TAOK2: variants seen among roughly 807,000 people sequenced by gnomAD.
TAOK2 encodes the protein serine/threonine-protein kinase TAO2.
A neutral mutation model predicts 122.5 loss-of-function variants in TAOK2; 42 were observed. The ratio of observed to expected loss-of-function variants is 0.34; its 90% CI spans 0.27 to 0.44. The LOEUF (loss-of-function observed/expected upper bound fraction) is 0.44, where lower values mean the gene tolerates loss of function less well. Among genes scored for constraint, TAOK2 ranks in the 20% least tolerant of loss-of-function variants. The probability of loss-of-function intolerance (pLI) is 1.00; values close to 1 mark genes in which losing one functional copy is unlikely to be tolerated. For missense variants in TAOK2, 1,264 were observed against 1,644.9 expected, an observed-to-expected ratio of 0.77 and a Z score of 4.01; for synonymous variants, 704 against 677.6, an observed-to-expected ratio of 1.04 and a Z score of -0.61.
downstream of TAOK2, chr16:29,989,321 T>C (rs886375109): frequency 1.0e-5 from 10 of 985,200 alleles, no homozygotes; most frequent in African/African-American, 1.6e-4. Context: ...GAACCTCTTG[T>C]CTTCTCTGCA....
chr16:29,982,032 T>G, intron 10 of TAOK2, 92 bp downstream of exon 10: 1 of 1,078,668 alleles, frequency 9.3e-7, no homozygotes, highest in Non-Finnish European at 1.4e-6. Flanking sequence ...CAGTTCCTCC[T>G]CCACCAAGAG....
chr16:29,986,346 C>G lies in TAOK2; in HGVS notation c.2074C>G (p.Leu692Val). 1 of 1,584,788 alleles carries G rather than the reference C, an allele frequency of 6.3e-7. No homozygotes were observed. Among genetic ancestry groups the G allele is most frequent in the Non-Finnish European group, 8.6e-7 (1 of 1,163,246 alleles). The change falls in exon 16 of 16, where the codon CTG becomes GTG. Residue 692 changes from leucine to valine, a missense_variant. By Grantham distance (32) the Leu-to-Val change is conservative (BLOSUM62 1). Transcript: ENST00000308893. This position sits in a 1 kb window ranked among gnomAD's most constrained non-coding sequence, Gnocchi z 4.2. ...GCACGAGGCCACGCGGGAGCTGGAG[C>G]TGCGGCAGCTCCAGGCCGTGCAGCG... is the stretch of plus-strand genomic sequence containing the variant. ...RQHEATRELELRQLQAVQRTR... is the reference protein window; with the variant it reads ...RQHEATRELEVRQLQAVQRTR...
intron 4 of TAOK2, 28 bp downstream of exon 4, chr16:29,978,381 TC>T (rs2069519220): frequency 1.9e-6 from 3 of 1,605,084 alleles, no homozygotes; most frequent in Non-Finnish European, 1.7e-6. Context: ...TCTGGCCTGA[TC>T]TTTACTCCTA....
In TAOK2 at chr16:29,981,884, G is replaced by A. The variant is rs1458583458; in HGVS notation, c.775G>A (p.Asp259Asn). ...GTCTGAGTACTTCCGGAATTTTGTC[G>A]ACTCCTGTCTTCAGAAAATCCCTCA... Reference protein sequence around the residue: ...HWSEYFRNFVDSCLQKIPQDR... With the variant: ...HWSEYFRNFVNSCLQKIPQDR... Residue 259 changes from aspartate (D) to asparagine (N), a missense_variant, in exon 10 of 16, where the codon GAC becomes AAC. Coordinates refer to ENST00000308893, the MANE Select transcript of TAOK2 (RefSeq NM_016151.4). The A allele has an allele frequency of 5.0e-6, 8 of 1,613,144 alleles. No homozygotes were observed. The highest frequency in any genetic ancestry group is 2.7e-5 in the African/African-American group (2 of 74,558).
chr16:29,989,584 A>G, downstream of TAOK2: 1 of 1,613,430 alleles, frequency 6.2e-7, no homozygotes, highest in Non-Finnish European at 8.5e-7. Context: ...TGATCCGTCC[A>G]CTGCATAGTC....
rs897222024 is a variant in TAOK2 at position 29,988,244 on chromosome 16, T to C, written c.*264T>C. 3 of 1,452,832 alleles carry C rather than the reference T, an allele frequency of 2.1e-6. No individual in the cohort carries two copies. The highest frequency in any genetic ancestry group is 2.6e-5 in the Admixed American group (1 of 38,494). The allele number at this position is 1,452,832 out of a possible 1,614,324, so 90.0% of individuals were successfully genotyped here. ...TGTGCTCATCCTCACCCTCATTGAC[T>C]CAGGCCTGGGGCCAGGGGTGGTGGA... is the stretch of plus-strand genomic sequence containing the variant. On this transcript the variant is annotated 3_prime_UTR_variant, in exon 16 of 16. Coordinates refer to ENST00000308893, the MANE Select transcript of TAOK2 (RefSeq NM_016151.4).
At chr16:29,989,581 T>C, downstream of TAOK2, 1 of 1,613,838 alleles carries the variant, frequency 6.2e-7, no homozygotes, top group Non-Finnish European at 8.5e-7. Flanking sequence ...CCTTGATCCG[T>C]CCACTGCATA....
chr16:29,991,084 C>G (rs202164351), downstream of TAOK2: 7 of 1,586,176 alleles, frequency 4.4e-6, no homozygotes, highest in East Asian at 1.6e-4. This position sits in a 1 kb window ranked among gnomAD's most constrained non-coding sequence, Gnocchi z 5.6. Context: ...ACAGGACGCT[C>G]CGAGCGAATC....
intron 1 of TAOK2, 140 bp downstream of exon 1, chr16:29,974,788 C>G (rs1417309327): frequency 6.6e-6 from 1 of 152,440 alleles, no homozygotes. Context: ...CTCTGGCTAG[C>G]CTTGCCTTCT....
At position 29,983,305 on chromosome 16, in the gene TAOK2, T is replaced by G. The variant is rs920164102; in HGVS notation, c.1233T>G (p.Ser411=). The G allele has an allele frequency of 6.2e-6, 10 of 1,601,674 alleles. No individual in the cohort carries two copies. The highest frequency in any genetic ancestry group is 1.1e-5 in the South Asian group (1 of 90,942). The change falls in exon 12 of 16, where the codon TCT becomes TCG. Residue 411 remains serine (S), a synonymous_variant. Coordinates refer to ENST00000308893, the MANE Select transcript of TAOK2 (RefSeq NM_016151.4). ...MMQEGEHTVT[S]HSSIIHRLPG... The stretch of plus-strand genomic sequence containing the variant: ...AGGAGGGGGAGCACACAGTCACCTC[T>G]CACAGCTCCATTATCCACCGGCTGC...
chr16:29,986,713 A>G lies in TAOK2; in HGVS notation c.2441A>G (p.Gln814Arg). The change falls in exon 16 of 16, where the codon CAG (glutamine) becomes CGG (arginine). Residue 814 changes from glutamine (Q) to arginine (R), a missense_variant. Physicochemically the swap from Gln to Arg is conservative, Grantham distance 43. This residue lies in a region of TAOK2 where 824 missense variants were observed against 908.7 expected (regional missense o/e 0.91). Coordinates refer to ENST00000308893, the MANE Select transcript of TAOK2 (RefSeq NM_016151.4). The surrounding 1 kb of genome is among the most constrained non-coding windows in gnomAD (Gnocchi z 4.2). The part of the protein sequence containing the change: ...KEGATLEPKQ[Q>R]RILGEESGAP... ...GGGGCCACTTTGGAGCCCAAGCAGC[A>G]GAGGATTCTGGGGGAAGAATCAGGA... is the stretch of plus-strand genomic sequence containing the variant. 1 of 1,614,032 alleles carries G rather than the reference A, an allele frequency of 6.2e-7. No individual in the cohort carries two copies. The highest frequency in any genetic ancestry group is 8.5e-7 in the Non-Finnish European group (1 of 1,179,954).
At chr16:29,978,446 GC>G in intron 4 of TAOK2, 93 bp downstream of exon 4, 2 of 1,345,386 alleles carry the variant, frequency 1.5e-6, no homozygotes, top group East Asian at 2.3e-5. Context: ...TGTTCGTGGT[GC>G]TGTTGTGGGA....
In TAOK2 at chr16:29,987,946, C is replaced by G. The variant is rs926076191; in HGVS notation, c.3674C>G (p.Thr1225Ser). The part of the protein sequence containing the change: ...PGTLAGRRSR[T>S]RQSRALPPWR ...ACTCTAGCCGGGCGGAGGTCACGCA[C>G]CCGCCAGTCCCGGGCCCTGCCCCCC... The change falls in exon 16 of 16, where the codon ACC (threonine) becomes AGC (serine). Residue 1225 changes from threonine to serine, a missense_variant. By Grantham distance (58) the Thr-to-Ser change is moderately conservative. Transcript: ENST00000308893. 2 of 1,540,826 alleles carry G rather than the reference C, an allele frequency of 1.3e-6. No individual in the cohort carries two copies. The highest frequency in any genetic ancestry group is 2.7e-5 in the African/African-American group (2 of 74,070).
downstream of TAOK2, chr16:29,988,986 G>A: frequency 1.0e-6 from 1 of 985,278 alleles, no homozygotes; most frequent in Non-Finnish European, 1.2e-6. Context: ...TTTCTCCTCT[G>A]CGGCCCAAAA....
chr16:29,983,375 A>G lies in TAOK2; in HGVS notation c.1260+43A>G. The G allele has an allele frequency of 2.6e-6, 4 of 1,568,438 alleles. No homozygotes were observed. In the Admixed American group the frequency reaches 5.2e-5, roughly 20 times the overall value. On this transcript the variant is annotated intron_variant, in intron 12 of 15. Coordinates refer to ENST00000308893, the MANE Select transcript of TAOK2 (RefSeq NM_016151.4). ...GGGGGACCCGAGCCACCTGCTCTAG[A>G]ACTGCCTGGGTCTTCGCCCTCCTTC...
chr16:29,987,110 C>T lies in TAOK2; in HGVS notation c.2838C>T (p.Leu946=), dbSNP rs761458038. The T allele has an allele frequency of 2.5e-6, 4 of 1,612,590 alleles. No individual in the cohort carries two copies. ...RPCPASQLPG[L]LSHGLLAGLS... ...GCCCTGCCAGCCAGCTCCCTGGACT[C>T]CTGTCCCATGGCCTCCTGGCCGGCC... Residue 946 remains leucine (L), a synonymous_variant, in exon 16 of 16, where the codon CTC becomes CTT. Coordinates refer to ENST00000308893, the MANE Select transcript of TAOK2 (RefSeq NM_016151.4).
intron 8 of TAOK2, chr16:29,980,886 T>C (rs2069591423): frequency 6.6e-6 from 1 of 152,230 alleles, no homozygotes. Flanking sequence ...AAACTGGAGA[T>C]TGCTGTTTCC....
At chr16:29,978,410 C>A in intron 4 of TAOK2, 57 bp downstream of exon 4, 1 of 1,558,766 alleles carries the variant, frequency 6.4e-7, no homozygotes, top group South Asian at 1.1e-5. Flanking sequence ...CCGTCCTTAT[C>A]GTAGTCCAGT....
chr16:29,989,284 G>T (rs753825178), downstream of TAOK2: 1 of 984,596 alleles, frequency 1.0e-6, no homozygotes, highest in South Asian at 4.7e-5. Flanking sequence ...CGTGGGTATC[G>T]CACCCAACTC....
Sources: allele counts gnomAD v4.1 joint callset, GRCh38; gene constraint gnomAD v4.1.1; regional missense constraint gnomAD v4.1.1; non-coding constraint Gnocchi (gnomAD v3.1); transcripts MANE v1.5; gene names NCBI Gene and HGNC (gene_info 2026-07-23, HGNC 2026-07-21).